WDR74: variants seen among roughly 807,000 people sequenced by gnomAD.
The protein encoded by WDR74 is WD repeat-containing protein 74.
WDR74 carries 31 observed loss-of-function variants against 45.6 expected under a neutral mutation model. The ratio of observed to expected loss-of-function variants is 0.68; its 90% confidence interval spans 0.51 to 0.92. The LOEUF is 0.92. Ranked by LOEUF, WDR74 falls within the 40% of genes least tolerant of loss-of-function variation. WDR74 has a pLI of 0.00. For synonymous variants in WDR74, 191 were observed against 192.4 expected (o/e 0.99, Z 0.06); for missense variants, 455 against 497.2 (o/e 0.92, Z 0.81).
At chr11:62,835,145 C>T in intron 6 of WDR74, 1 of 375,902 alleles carries the variant, frequency 2.7e-6, no homozygotes, top group Non-Finnish European at 4.9e-6. Context: ...TAACACCCAG[C>T]CCAATGTCCT....
intron 7 of WDR74, 41 bp downstream of exon 7, chr11:62,834,386 T>G (rs1311611961): frequency 6.2e-7 from 1 of 1,610,578 alleles, no homozygotes; most frequent in South Asian, 1.1e-5. Flanking sequence ...GGAGCCCTTC[T>G]CAAGCCCCAC....
chr11:62,838,784 A>C lies in WDR74; in HGVS notation c.293+330T>G, dbSNP rs1212840933. On this transcript the variant is annotated intron_variant, in intron 3 of 10. Coordinates refer to ENST00000278856, the MANE Select transcript of WDR74 (RefSeq NM_001369450.1). ...CCAAAAAAAAAAAAAACAAAAAACA[A>C]ACACACACACACACAAAACTATTAA... Among the ~76,000 whole-genome samples the C allele has an allele frequency of 5.3e-5, 8 of 151,524 alleles. No homozygotes were observed. The South Asian group carries it at 1.0e-3, about 20-fold the overall frequency.
In WDR74 at chr11:62,833,863, G is replaced by C; in HGVS notation, c.850C>G (p.Leu284Val). The change falls in exon 9 of 11, where the codon CTA becomes GTA. Residue 284 changes from leucine (L) to valine (V), a missense_variant. Coordinates refer to ENST00000278856, the MANE Select transcript of WDR74 (RefSeq NM_001369450.1). ...ACTCTGTCCAAGCCACAGGAGGCTAGTAGAGGCTTTGAAGGGTGGCACTGC... is the reference window on the plus strand; with the variant it reads ...ACTCTGTCCAAGCCACAGGAGGCTACTAGAGGCTTTGAAGGGTGGCACTGC... ...GLQCHPSKPL[L>V]ASCGLDRVLR... 1.2e-6 allele frequency: 2 copies of C among 1,614,026 alleles called. No homozygotes were observed. The highest frequency in any genetic ancestry group is 1.1e-5 in the South Asian group (1 of 91,088).
chr11:62,839,424 T>C lies in WDR74; in HGVS notation c.69A>G (p.Val23=). 1 of 1,613,412 alleles carries C rather than the reference T, an allele frequency of 6.2e-7. No individual in the cohort carries two copies. Among genetic ancestry groups the C allele is most frequent in the Non-Finnish European group, 8.5e-7 (1 of 1,179,840 alleles). Reference sequence around the variant, plus strand: ...TCGCCGCCTGTTTTCGCTGAAGATTTACCCCTGAGAGACGAAGGCGTCAGT... The same window carrying C: ...TCGCCGCCTGTTTTCGCTGAAGATTCACCCCTGAGAGACGAAGGCGTCAGT... The part of the protein sequence containing the change: ...VGTETGILKG[V]NLQRKQAANF... Residue 23 remains valine (V), a synonymous_variant, in exon 2 of 11, where the codon GTA becomes GTG. Transcript: ENST00000278856.
At chr11:62,833,171 G>A in intron 10 of WDR74, 40 bp from the exon 11 acceptor site, 1 of 1,596,142 alleles carries the variant, frequency 6.3e-7, no homozygotes, top group Non-Finnish European at 8.5e-7. Flanking sequence ...AGGGGGGCCG[G>A]GCACGGTGGC....
At chr11:62,834,384 T>C in intron 7 of WDR74, 43 bp downstream of exon 7, 2 of 1,611,598 alleles carry the variant, frequency 1.2e-6, no homozygotes, top group South Asian at 2.2e-5. Flanking sequence ...CTGGAGCCCT[T>C]CTCAAGCCCC....
chr11:62,835,237 T>G (rs2084940753), intron 6 of WDR74, 194 bp downstream of exon 6: 5 of 585,292 alleles, frequency 8.5e-6, no homozygotes, highest in South Asian at 6.3e-5. Context: ...AAAACAGGCA[T>G]AGTTCAGGAA....
intron 6 of WDR74, chr11:62,834,783 C>A (rs958599408): frequency 2.1e-5 from 10 of 479,692 alleles, no homozygotes; most frequent in African/African-American, 5.8e-5. Context: ...CCCATACTCC[C>A]ATCTAGGGGA....
At chr11:62,841,462 C>A (rs893954164), upstream of WDR74, 1 of 152,206 alleles carries the variant, frequency 6.6e-6, no homozygotes, top group African/African-American at 2.4e-5. Flanking sequence ...AGTTATAAAA[C>A]AAAACCTTCT....
chr11:62,841,354 G>C (rs1401691824), upstream of WDR74, among the ~76,000 whole-genome samples: 2 of 152,104 alleles, frequency 1.3e-5, no homozygotes, highest in Non-Finnish European at 2.9e-5. Context: ...GAAAACATTA[G>C]CCGGGGGTGG....
Position 62,835,852 on chromosome 11 carries a change from T to C in WDR74, c.370-11A>G, listed in dbSNP as rs771336264. ...TCTCAGTTCCAGGAGCTGTAAAGAA[T>C]AGGAGATAAGAGTCCGTTCCAGAGT... On this transcript the variant is annotated splice_polypyrimidine_tract_variant and intron_variant, in intron 4 of 10. Transcript: ENST00000278856. 2 of 1,607,144 alleles carry C rather than the reference T, an allele frequency of 1.2e-6. No individual in the cohort carries two copies. Among genetic ancestry groups the C allele is most frequent in the East Asian group, 2.2e-5 (1 of 44,682 alleles).
chr11:62,837,621 T>C (rs1024626400), intron 3 of WDR74, among the ~76,000 whole-genome samples: 5 of 152,058 alleles, frequency 3.3e-5, no homozygotes. Context: ...TCCCAGGCAG[T>C]ACCCTCTTTC....
chr11:62,834,707 C>T (rs2084933205), intron 6 of WDR74, 180 bp from the exon 7 acceptor site: 2 of 615,794 alleles, frequency 3.2e-6, no homozygotes, highest in Non-Finnish European at 5.6e-6. Flanking sequence ...AGCTGCTTAG[C>T]AGCATAAATG....
chr11:62,833,751 C>T, intron 9 of WDR74, 41 bp downstream of exon 9: 2 of 1,607,904 alleles, frequency 1.2e-6, no homozygotes, highest in South Asian at 2.2e-5. Context: ...GAGGCGGGGC[C>T]TCCACAAGAC....
At chr11:62,841,644 C>G (rs370051150), upstream of WDR74, 4 of 152,240 alleles carry the variant, frequency 2.6e-5, no homozygotes, top group South Asian at 2.1e-4. Context: ...CCTGGAAGTA[C>G]TGCAATACCA....
chr11:62,833,454 C>A (rs932454192), intron 10 of WDR74, 164 bp downstream of exon 10: 25 of 866,992 alleles, frequency 2.9e-5, no homozygotes, highest in Admixed American at 1.6e-4. Context: ...TTGGCAATAA[C>A]CCTCTCAGGA....
intron 2 of WDR74, 26 bp downstream of exon 2, chr11:62,839,296 C>G: frequency 6.2e-7 from 1 of 1,610,796 alleles, no homozygotes. Context: ...AGGCCCCCAG[C>G]TCCGGCCCGA....
upstream of WDR74, among the ~76,000 whole-genome samples, chr11:62,841,227 G>A (rs2085041067): frequency 2.0e-5 from 3 of 152,202 alleles, no homozygotes; most frequent in African/African-American, 4.8e-5. Context: ...TGATGCAGGA[G>A]AATCGCATGA....
At chr11:62,840,864 C>G (rs1021852516), upstream of WDR74, among the ~76,000 whole-genome samples, 2 of 152,164 alleles carry the variant, frequency 1.3e-5, no homozygotes, top group African/African-American at 2.4e-5. Flanking sequence ...CTTGAAACCC[C>G]GAGCGCGACC....
Sources: allele counts gnomAD v4.1 joint callset (sites outside exome capture counted in the v4.1 genomes callset), GRCh38; gene constraint gnomAD v4.1.1; transcripts MANE v1.5; gene names NCBI Gene and HGNC (gene_info 2026-07-23, HGNC 2026-07-21).